Variants in PARD3 observed in about 807,000 individuals in gnomAD.
The protein encoded by PARD3 is partitioning defective 3 homolog.
PARD3 carries 75 observed loss-of-function variants against 155.4 expected under a neutral mutation model. That is an observed-to-expected ratio of 0.48 (90% CI 0.40 to 0.58). The LOEUF (loss-of-function observed/expected upper bound fraction) is 0.58, where lower values mean the gene tolerates loss of function less well. PARD3 is among the 20% of genes least tolerant of loss of function. PARD3 has a pLI of 0.00. For synonymous variants in PARD3, 576 were observed against 610.5 expected, an observed-to-expected ratio of 0.94 and a Z score of 0.83; for missense variants, 1,642 against 1,721.7, an observed-to-expected ratio of 0.95 and a Z score of 0.82.
intron 2 of PARD3, among the ~76,000 whole-genome samples, chr10:34,606,156 ATGTGTG>A (rs59792013): frequency 0.082 from 10,265 of 125,870 alleles, 475 homozygotes; most frequent in Middle Eastern, 0.14. Flanking sequence ...ATAAAGGGAA[ATGTGTG>A]TGTGTGTGTG....
chr10:34,600,769 G>C (rs1360178669), intron 2 of PARD3, among the ~76,000 whole-genome samples: 2 of 151,864 alleles, frequency 1.3e-5, no homozygotes, highest in Non-Finnish European at 2.9e-5. Context: ...TACTTGGTAG[G>C]GCTACCATCA....
chr10:34,312,053 G>A (rs1258931949), intron 20 of PARD3, among the ~76,000 whole-genome samples: 1 of 152,026 alleles, frequency 6.6e-6, no homozygotes, highest in East Asian at 1.9e-4. Flanking sequence ...TTCTGAATAC[G>A]CCAGCAGTGA....
At chr10:34,563,335 A>G (rs538308479) in intron 2 of PARD3, among the ~76,000 whole-genome samples, 17 of 152,262 alleles carry the variant, frequency 1.1e-4, no homozygotes, top group African/African-American at 4.1e-4. Context: ...ATAAGAGCTA[A>G]TGAAACATTT....
intron 20 of PARD3, among the ~76,000 whole-genome samples, chr10:34,288,745 C>G (rs1323840698): frequency 6.6e-6 from 1 of 152,136 alleles, no homozygotes; most frequent in Admixed American, 6.5e-5. Flanking sequence ...TTCCAAGAAA[C>G]AGCATAGCTG....
intron 22 of PARD3, among the ~76,000 whole-genome samples, chr10:34,204,167 TTCCCTTTTCA>T (rs1951353415): frequency 6.6e-6 from 1 of 152,234 alleles, no homozygotes. Flanking sequence ...TGATAACGTA[TTCCCTTTTCA>T]AAGAAAGTTG....
At position 34,212,542 on chromosome 10, in the gene PARD3, A is replaced by C. The variant is rs75481661; in HGVS notation, c.3419+57115T>G. ...TCAGAAAAGGGTCTCACTTAGGGAAATAACTCCCAATGTGTCACCATAAAA... is the reference window on the plus strand; with the variant it reads ...TCAGAAAAGGGTCTCACTTAGGGAACTAACTCCCAATGTGTCACCATAAAA... On this transcript the variant is annotated intron_variant, in intron 22 of 24. Coordinates refer to ENST00000374788, the MANE Select transcript of PARD3 (RefSeq NM_001184785.2). Among the ~76,000 whole-genome samples, 59 of 152,306 alleles carry C rather than the reference A, an allele frequency of 3.9e-4. 1 individual carries two copies. The East Asian group carries it at 0.011, about 27-fold the overall frequency.
At chr10:34,516,839 G>C (rs964710063) in intron 3 of PARD3, 140 bp downstream of exon 3, 16 of 742,026 alleles carry the variant, frequency 2.2e-5, no homozygotes, top group Non-Finnish European at 3.0e-5. Context: ...CTCTTGCAAA[G>C]AACATTTGCC....
At chr10:34,649,721 C>T (rs1456845340) in intron 2 of PARD3, among the ~76,000 whole-genome samples, 1 of 152,212 alleles carries the variant, frequency 6.6e-6, no homozygotes, top group Non-Finnish European at 1.5e-5. Flanking sequence ...CTTTCTTCCA[C>T]AATAAATTAA....
intron 20 of PARD3, among the ~76,000 whole-genome samples, chr10:34,294,057 A>G (rs576369084): frequency 6.7e-6 from 1 of 148,338 alleles, no homozygotes; most frequent in East Asian, 2.0e-4. Flanking sequence ...AAAAGGTGGA[A>G]TGATATTTCA....
chr10:34,598,001 C>T (rs2089448587), intron 2 of PARD3, among the ~76,000 whole-genome samples: 1 of 152,202 alleles, frequency 6.6e-6, no homozygotes, highest in Non-Finnish European at 1.5e-5. Flanking sequence ...CTATCAAGAA[C>T]TCTGAAACCC....
At chr10:34,189,009 C>T (rs955730578) in intron 22 of PARD3, among the ~76,000 whole-genome samples, 2 of 152,042 alleles carry the variant, frequency 1.3e-5, no homozygotes, top group South Asian at 2.1e-4. Flanking sequence ...AGAGGTTTTA[C>T]GAGGTCAAAA....
chr10:34,669,175 C>G (rs1276697009), intron 2 of PARD3, among the ~76,000 whole-genome samples: 1 of 152,158 alleles, frequency 6.6e-6, no homozygotes, highest in Admixed American at 6.5e-5. Context: ...TGTATCTCAG[C>G]ACTAGTCACA....
intron 2 of PARD3, among the ~76,000 whole-genome samples, chr10:34,627,224 G>T (rs1012249412): frequency 2.6e-5 from 4 of 152,046 alleles, no homozygotes; most frequent in Admixed American, 1.3e-4. Flanking sequence ...ACAGAGATGG[G>T]ATCTCACTTT....
At chr10:34,656,455 G>A (rs532568684) in intron 2 of PARD3, among the ~76,000 whole-genome samples, 5 of 152,298 alleles carry the variant, frequency 3.3e-5, no homozygotes, top group Admixed American at 2.0e-4. Context: ...GGAGAGTGAC[G>A]TGCATTTCAT....
intron 21 of PARD3, among the ~76,000 whole-genome samples, chr10:34,277,740 A>G (rs1195441672): frequency 6.6e-6 from 1 of 152,164 alleles, no homozygotes; most frequent in Non-Finnish European, 1.5e-5. Context: ...AAAACGGTTA[A>G]AAGTTGAAAA....
intron 2 of PARD3, among the ~76,000 whole-genome samples, chr10:34,560,539 G>A (rs1010789977): frequency 6.6e-6 from 1 of 152,118 alleles, no homozygotes; most frequent in African/African-American, 2.4e-5. Context: ...TTGTTTTTTG[G>A]TTCTTCTATG....
chr10:34,170,139 G>A (rs905026383), intron 22 of PARD3, among the ~76,000 whole-genome samples: 1 of 152,182 alleles, frequency 6.6e-6, no homozygotes, highest in Non-Finnish European at 1.5e-5. Context: ...CCAGGTTGGA[G>A]TGCAGTGGTG....
chr10:34,569,717 C>T (rs771145412), intron 2 of PARD3, among the ~76,000 whole-genome samples: 1 of 151,908 alleles, frequency 6.6e-6, no homozygotes, highest in Non-Finnish European at 1.5e-5. Context: ...GTGCCCGGCA[C>T]CTACTAGTGA....
At chr10:34,375,053 A>AACAC (rs35263377) in intron 10 of PARD3, 51 bp from the exon 11 acceptor site, 22,193 of 778,002 alleles carry the variant, frequency 0.029, 171 homozygotes, top group African/African-American at 0.072. Flanking sequence ...ACAACAGGAA[A>AACAC]ACACACACAC....
Sources: allele counts gnomAD v4.1 joint callset (sites outside exome capture counted in the v4.1 genomes callset), GRCh38; gene constraint gnomAD v4.1.1; transcripts MANE v1.5; gene names NCBI Gene and HGNC (gene_info 2026-07-23, HGNC 2026-07-21).